The following CSMD3 variants were observed in gnomAD, a reference collection of about 807,000 sequenced individuals.
CSMD3 encodes the protein CUB and sushi domain-containing protein 3.
Under a neutral mutation model 435.2 loss-of-function variants are expected in CSMD3, and 177 were observed. That is an observed-to-expected ratio of 0.41 (90% CI 0.36 to 0.46). CSMD3 has a LOEUF of 0.46. Among genes scored for constraint, CSMD3 ranks in the 20% least tolerant of loss-of-function variants. The pLI is 0.34. For missense variants in CSMD3, 4,265 were observed against 4,504.6 expected (o/e 0.95, Z 1.52); for synonymous variants, 1,656 against 1,520.5 (o/e 1.09, Z -2.07).
chr8:112,810,860 G>T (rs1219612511), intron 12 of CSMD3, among the ~76,000 whole-genome samples: 1 of 151,908 alleles, frequency 6.6e-6, no homozygotes, highest in Non-Finnish European at 1.5e-5. Context: ...CCTTAGGCTT[G>T]GTTTAGTAAG....
At chr8:112,663,471 C>A (rs1397147451) in intron 17 of CSMD3, among the ~76,000 whole-genome samples, 1 of 124,164 alleles carries the variant, frequency 8.1e-6, no homozygotes, top group African/African-American at 3.2e-5. Flanking sequence ...GAACATCACA[C>A]ACCGGGGCCT....
rs867505151 is a variant in CSMD3 at position 112,738,329 on chromosome 8, G to T, written c.1973-48279C>A. On this transcript the variant is annotated intron_variant, in intron 13 of 70. Coordinates refer to ENST00000297405, the MANE Select transcript of CSMD3 (RefSeq NM_198123.2). ...CGCAGCTGTTTTACCGAATTATTCA[G>T]GAAGGTCCTTGGTATGTAAGTGTTC... Among the ~76,000 whole-genome samples the T allele has an allele frequency of 6.6e-5, 10 of 151,740 alleles. No homozygotes were observed. In the Middle Eastern group the frequency reaches 0.014, roughly 206 times the overall value.
intron 3 of CSMD3, among the ~76,000 whole-genome samples, chr8:113,191,729 A>C (rs2092588685): frequency 6.6e-6 from 1 of 151,794 alleles, no homozygotes; most frequent in Admixed American, 6.6e-5. Context: ...ATGTGAGTGC[A>C]TGTGTTTTTT....
rs553060229 is a variant in CSMD3, at chr8:113,300,139, G to C, written c.401+14432C>G. On this transcript the variant is annotated intron_variant, in intron 2 of 70. Transcript: ENST00000297405. The stretch of plus-strand genomic sequence containing the variant: ...ACTGCACTCCAGCCTGGGTGACAGA[G>C]TGAGACTCTGTCTCAAAAAAGTCAA... 1.2e-4 allele frequency among the ~76,000 whole-genome samples: 16 copies of C among 135,630 alleles called. No homozygotes were observed. In the East Asian group the frequency reaches 3.6e-3, roughly 30 times the overall value. 89.0% of individuals were successfully genotyped at this position (135,630 alleles called of 152,430 possible). A position where few individuals can be genotyped will look rare whatever the true frequency, so the allele number is the denominator to read the frequency against.
intron 41 of CSMD3, among the ~76,000 whole-genome samples, chr8:112,344,956 G>T (rs1563818266): frequency 6.6e-6 from 1 of 152,032 alleles, no homozygotes; most frequent in Non-Finnish European, 1.5e-5. Flanking sequence ...CTTGATTACA[G>T]CAATAAGAAA....
At chr8:112,700,444 TGAG>T (rs1446912969) in intron 13 of CSMD3, among the ~76,000 whole-genome samples, 1 of 152,098 alleles carries the variant, frequency 6.6e-6, no homozygotes, top group African/African-American at 2.4e-5. Context: ...GAGGTTGTAA[TGAG>T]GAGAGATTGT....
intron 27 of CSMD3, among the ~76,000 whole-genome samples, chr8:112,536,955 T>C (rs1181835005): frequency 6.6e-5 from 10 of 151,400 alleles, no homozygotes; most frequent in Non-Finnish European, 1.3e-4. Flanking sequence ...CACTCGTAGG[T>C]GGGAATTGAA....
chr8:113,016,061 TA>T (rs2086445076), intron 6 of CSMD3, among the ~76,000 whole-genome samples: 1 of 151,774 alleles, frequency 6.6e-6, no homozygotes. Context: ...GGGGCAGAGT[TA>T]AAAACTAAAT....
intron 3 of CSMD3, among the ~76,000 whole-genome samples, chr8:113,257,574 T>A (rs2093392994): frequency 6.6e-6 from 1 of 152,208 alleles, no homozygotes; most frequent in Non-Finnish European, 1.5e-5. Context: ...TTCATTAGTA[T>A]CCTTTGTAAT....
At chr8:113,087,207 A>G (rs2089820024) in intron 5 of CSMD3, among the ~76,000 whole-genome samples, 1 of 152,144 alleles carries the variant, frequency 6.6e-6, no homozygotes, top group Non-Finnish European at 1.5e-5. Context: ...CATCTTTTTT[A>G]TGAATCCACC....
chr8:113,106,484 A>G lies in CSMD3; in HGVS notation c.710-7521T>C, dbSNP rs2090481304. ...AGATATCCCCTATAGGAAAATACCA[A>G]ACAGTTGAATATGTGTTATTGAAGT... On this transcript the variant is annotated intron_variant, in intron 4 of 70. Transcript: ENST00000297405. Among the ~76,000 whole-genome samples, 4 of 152,208 alleles carry G rather than the reference A, an allele frequency of 2.6e-5. No homozygotes were observed. The South Asian group carries it at 8.3e-4, about 32-fold the overall frequency.
chr8:112,650,043 T>A (rs1586888823), intron 19 of CSMD3, 118 bp downstream of exon 19: 4 of 764,918 alleles, frequency 5.2e-6, no homozygotes, highest in Non-Finnish European at 8.7e-6. Flanking sequence ...TTGCCAGAAA[T>A]CAAAAGAACT....
At chr8:113,120,332 G>T (rs561323394) in intron 4 of CSMD3, among the ~76,000 whole-genome samples, 1 of 151,844 alleles carries the variant, frequency 6.6e-6, no homozygotes, top group Non-Finnish European at 1.5e-5. Context: ...TATATTCATT[G>T]TTTTCTAAAG....
intron 11 of CSMD3, among the ~76,000 whole-genome samples, chr8:112,843,134 C>T (rs2132539850): frequency 6.6e-6 from 1 of 151,850 alleles, no homozygotes; most frequent in South Asian, 2.1e-4. Context: ...CTTCTCTGTG[C>T]TTTTGTTTAC....
In CSMD3 at chr8:112,807,141, G is replaced by A. The variant is rs2079108725; in HGVS notation, c.1860-6867C>T. On this transcript the variant is annotated intron_variant, in intron 12 of 70. Coordinates refer to ENST00000297405, the MANE Select transcript of CSMD3 (RefSeq NM_198123.2). ...CAATTCCCATGAGTTACCTAGTAAA[G>A]AAAATCCCTACTGGCTTTTTTTGGA... Among the ~76,000 whole-genome samples, 2 of 152,140 alleles carry A rather than the reference G, an allele frequency of 1.3e-5. 1 individual carries two copies. The highest frequency in any genetic ancestry group is 4.1e-4 in the South Asian group (2 of 4,830).
chr8:112,800,726 A>G (rs139126380), intron 12 of CSMD3, among the ~76,000 whole-genome samples: 44 of 152,180 alleles, frequency 2.9e-4, no homozygotes, highest in African/African-American at 9.9e-4. Context: ...ACCCTTTGCA[A>G]TACTGATGTC....
chr8:112,766,926 A>G (rs1391794005), intron 13 of CSMD3, among the ~76,000 whole-genome samples: 1 of 151,884 alleles, frequency 6.6e-6, no homozygotes, highest in Non-Finnish European at 1.5e-5. Context: ...CAAACCTCTG[A>G]AACAACTACA....
At chr8:112,844,603 T>C (rs2080266939) in intron 11 of CSMD3, among the ~76,000 whole-genome samples, 1 of 152,022 alleles carries the variant, frequency 6.6e-6, no homozygotes, top group Admixed American at 6.6e-5. Flanking sequence ...AGACACCATG[T>C]TGCAACCTAA....
chr8:113,164,845 A>C (rs1339111725), intron 4 of CSMD3, among the ~76,000 whole-genome samples: 1 of 152,138 alleles, frequency 6.6e-6, no homozygotes, highest in Non-Finnish European at 1.5e-5. Context: ...ACCTATTACT[A>C]TGCTTTCTTA....
Sources: gnomAD v4.1 joint callset for allele counts (sites outside exome capture counted in the v4.1 genomes callset) on GRCh38, gnomAD v4.1.1 for gene constraint, MANE v1.5 for transcripts, NCBI Gene and HGNC (gene_info 2026-07-23, HGNC 2026-07-21) for gene names.